The following CENPW variants were observed in gnomAD, a reference collection of about 807,000 sequenced individuals.
CENPW encodes cancer-up-regulated gene 2 protein.
CENPW carries 3 observed loss-of-function variants against 11.1 expected under a neutral mutation model. That is an observed-to-expected ratio of 0.27 (90% CI 0.12 to 0.70). The LOEUF (loss-of-function observed/expected upper bound fraction) is 0.70. Ranked by LOEUF, CENPW falls within the 30% of genes least tolerant of loss-of-function variation. The probability of loss-of-function intolerance (pLI) is 0.77; values close to 1 mark genes in which losing one functional copy is unlikely to be tolerated. For synonymous variants in CENPW, 38 were observed against 42.0 expected (o/e 0.91, Z 0.37); for missense variants, 100 against 105.6 (o/e 0.95, Z 0.23).
the CENPW span, among the ~76,000 whole-genome samples, chr6:126,460,893 C>G: frequency 1.3e-5 from 2 of 151,880 alleles, no homozygotes; most frequent in African/African-American, 4.8e-5. Context: ...AGGAGCCTGA[C>G]TAAAGTTTAG....
chr6:126,389,818 A>C, the CENPW span, among the ~76,000 whole-genome samples: 1 of 151,886 alleles, frequency 6.6e-6, no homozygotes, highest in Non-Finnish European at 1.5e-5. Context: ...AACTCAGCTT[A>C]AATAATGTGC....
the CENPW span, among the ~76,000 whole-genome samples, chr6:126,471,174 T>C: frequency 6.6e-6 from 1 of 152,198 alleles, no homozygotes; most frequent in African/African-American, 2.4e-5. Context: ...ATCCCATGTG[T>C]TGAGGGAGGG....
At chr6:126,362,498 C>T in the CENPW span, among the ~76,000 whole-genome samples, 1 of 152,138 alleles carries the variant, frequency 6.6e-6, no homozygotes, top group African/African-American at 2.4e-5. Context: ...TTACTTGTCT[C>T]TTCATCCACC....
the CENPW span, among the ~76,000 whole-genome samples, chr6:126,428,325 G>A: frequency 1.3e-5 from 2 of 152,180 alleles, no homozygotes; most frequent in South Asian, 2.1e-4. Flanking sequence ...AAAATACATT[G>A]ACTATTATTG....
At chr6:126,345,300 A>G (rs185290625) in intron 1 of CENPW, among the ~76,000 whole-genome samples, 3 of 152,120 alleles carry the variant, frequency 2.0e-5, no homozygotes, top group Admixed American at 6.5e-5. Context: ...TTATCTGAAG[A>G]TGAGTACATA....
the CENPW span, among the ~76,000 whole-genome samples, chr6:126,365,628 G>C: frequency 6.6e-6 from 1 of 152,044 alleles, no homozygotes; most frequent in Non-Finnish European, 1.5e-5. Flanking sequence ...ATTTGGGTGG[G>C]GACACAGAAG....
downstream of CENPW, among the ~76,000 whole-genome samples, chr6:126,349,327 T>G (rs1216062462): frequency 1.3e-5 from 2 of 152,170 alleles, no homozygotes; most frequent in African/African-American, 4.8e-5. Context: ...ACAGTGTACA[T>G]GTAGTTCTGT....
chr6:126,442,967 A>T, the CENPW span, among the ~76,000 whole-genome samples: 1 of 151,086 alleles, frequency 6.6e-6, no homozygotes, highest in African/African-American at 2.4e-5. Context: ...GATCACTGTG[A>T]TCTGATGTTA....
chr6:126,460,461 A>C, the CENPW span, among the ~76,000 whole-genome samples: 1 of 151,598 alleles, frequency 6.6e-6, no homozygotes, highest in African/African-American at 2.4e-5. Flanking sequence ...AAAGAAGGAG[A>C]GCATTCTATC....
chr6:126,344,435 G>A (rs1780369816), intron 1 of CENPW, among the ~76,000 whole-genome samples: 1 of 152,168 alleles, frequency 6.6e-6, no homozygotes, highest in Non-Finnish European at 1.5e-5. Flanking sequence ...GGGATTTAGT[G>A]TTAAGGAATT....
the CENPW span, among the ~76,000 whole-genome samples, chr6:126,427,665 T>C: frequency 1.3e-5 from 2 of 152,224 alleles, no homozygotes; most frequent in South Asian, 2.1e-4. Context: ...TTTTAATCTA[T>C]TGAATGAGTG....
At chr6:126,376,164 C>T in the CENPW span, among the ~76,000 whole-genome samples, 15 of 151,982 alleles carry the variant, frequency 9.9e-5, no homozygotes, top group African/African-American at 1.7e-4. Flanking sequence ...GATACTGAGG[C>T]GAGTGAATGA....
the CENPW span, among the ~76,000 whole-genome samples, chr6:126,359,023 A>G: frequency 6.6e-6 from 1 of 151,220 alleles, no homozygotes; most frequent in Admixed American, 6.6e-5. Context: ...AAAGTTAGAT[A>G]GTTAATCTGA....
the CENPW span, among the ~76,000 whole-genome samples, chr6:126,364,962 A>T: frequency 6.6e-6 from 1 of 152,242 alleles, no homozygotes. Flanking sequence ...AAATCAAGAA[A>T]CTAAGATTCA....
At chr6:126,394,607 G>T in the CENPW span, among the ~76,000 whole-genome samples, 1 of 151,890 alleles carries the variant, frequency 6.6e-6, no homozygotes, top group Admixed American at 6.6e-5. Flanking sequence ...GTTTTTCTGT[G>T]TACTTCCTAT....
chr6:126,416,473 T>G, the CENPW span, among the ~76,000 whole-genome samples: 1 of 151,966 alleles, frequency 6.6e-6, no homozygotes, highest in Non-Finnish European at 1.5e-5. Context: ...CTCAAGACAA[T>G]GGGAAAAATG....
At chr6:126,368,121 T>C in the CENPW span, among the ~76,000 whole-genome samples, 1 of 152,222 alleles carries the variant, frequency 6.6e-6, no homozygotes, top group African/African-American at 2.4e-5. Flanking sequence ...GTGAAGGCCT[T>C]TCTTCGTCTT....
the CENPW span, among the ~76,000 whole-genome samples, chr6:126,372,119 C>A: frequency 1.3e-5 from 2 of 151,780 alleles, no homozygotes; most frequent in African/African-American, 4.8e-5. Context: ...TTCTTTTCTT[C>A]TGCTGGGTTT....
chr6:126,394,853 T>TA, the CENPW span, among the ~76,000 whole-genome samples: 5 of 152,028 alleles, frequency 3.3e-5, no homozygotes, highest in Non-Finnish European at 7.4e-5. Flanking sequence ...TTTTTTTTTT[T>TA]AATTCAATAC....
Sources: allele counts gnomAD v4.1 joint callset (sites outside exome capture counted in the v4.1 genomes callset), GRCh38; gene constraint gnomAD v4.1.1; transcripts MANE v1.5; gene names NCBI Gene and HGNC (gene_info 2026-07-23, HGNC 2026-07-21).